IDE: variants seen among roughly 807,000 people sequenced by gnomAD.
IDE encodes the protein insulin degrading enzyme, also known as insulin-degrading enzyme.
A neutral mutation model predicts 133.2 loss-of-function variants in IDE; 58 were observed. The observed-to-expected ratio is 0.44, with a 90% CI of 0.35 to 0.54. The LOEUF (loss-of-function observed/expected upper bound fraction) is 0.54. Ranked by LOEUF, IDE falls within the 20% of genes least tolerant of loss-of-function variation. The pLI, the probability that IDE is intolerant of heterozygous loss-of-function variation, is 0.00. For synonymous variants in IDE, 396 were observed against 421.3 expected (o/e 0.94, Z 0.73); for missense variants, 981 against 1,234.0 (o/e 0.79, Z 3.07).
intron 1 of IDE, chr10:92,572,873 A>G: frequency 6.1e-6 from 6 of 984,298 alleles, no homozygotes; most frequent in Non-Finnish European, 7.2e-6. Flanking sequence ...GGCCCCACAC[A>G]CTACCCATAC....
intron 6 of IDE, among the ~76,000 whole-genome samples, chr10:92,509,369 G>T (rs921589954): frequency 1.3e-5 from 2 of 152,126 alleles, no homozygotes; most frequent in Non-Finnish European, 2.9e-5. Flanking sequence ...GAGGGAGACA[G>T]ATCACCTGAG....
intron 2 of IDE, among the ~76,000 whole-genome samples, chr10:92,536,807 A>T (rs1842032834): frequency 6.6e-6 from 1 of 152,134 alleles, no homozygotes; most frequent in African/African-American, 2.4e-5. Context: ...TGGGAGGCCA[A>T]GGCAGGCAGA....
intron 1 of IDE, among the ~76,000 whole-genome samples, chr10:92,562,125 T>C (rs1843312000): frequency 6.6e-6 from 1 of 152,210 alleles, no homozygotes; most frequent in South Asian, 2.1e-4. Context: ...ATTATCCCTT[T>C]TTCCCAAAAG....
chr10:92,486,656 T>C (rs1365377617), intron 13 of IDE, among the ~76,000 whole-genome samples: 1 of 152,182 alleles, frequency 6.6e-6, no homozygotes, highest in African/African-American at 2.4e-5. Context: ...AGTTCTGAAA[T>C]AATAGCATGA....
intron 10 of IDE, among the ~76,000 whole-genome samples, chr10:92,506,141 A>G (rs1017984628): frequency 3.3e-5 from 5 of 152,248 alleles, no homozygotes; most frequent in African/African-American, 1.2e-4. Flanking sequence ...GAAATTTTAA[A>G]AAAGTAAATG....
intron 11 of IDE, among the ~76,000 whole-genome samples, chr10:92,494,479 A>G (rs1316908995): frequency 6.6e-6 from 1 of 151,904 alleles, no homozygotes; most frequent in Admixed American, 6.6e-5. Flanking sequence ...CAGTGGCTCA[A>G]GCCTGTAATC....
chr10:92,572,854 C>G (rs940814066), intron 1 of IDE: 10 of 980,896 alleles, frequency 1.0e-5, no homozygotes, highest in South Asian at 4.7e-5. Context: ...AGCCTACCCC[C>G]CCATCTCTGG....
Position 92,483,306 on chromosome 10 carries a change from T to C in IDE, c.1688A>G (p.Gln563Arg), listed in dbSNP as rs770636745. ...CTTCGGCAAAAAAAACTTATCATCT[T>C]GTTTGAACCAAAGTTTGCTCATAGC... ...DTAMSKLWFK[Q>R]DDKFFLPKAC... Residue 563 changes from glutamine to arginine, a missense_variant, in exon 14 of 25, where the codon CAA becomes CGA. Around this residue, in one of 2 missense-constraint regions of IDE, gnomAD observed 660 missense variants for 894.7 expected, o/e 0.74. Coordinates refer to ENST00000265986, the MANE Select transcript of IDE (RefSeq NM_004969.4). 5 of 1,611,094 alleles carry C rather than the reference T, an allele frequency of 3.1e-6. No individual in the cohort carries two copies. The Admixed American group carries it at 5.0e-5, about 16-fold the overall frequency.
intron 1 of IDE, among the ~76,000 whole-genome samples, chr10:92,544,981 A>C (rs1842477429): frequency 6.6e-6 from 1 of 152,212 alleles, no homozygotes; most frequent in South Asian, 2.1e-4. Context: ...TAATCAGAAA[A>C]AAGAGAAGAA....
chr10:92,521,401 A>G (rs1849220695), intron 4 of IDE, among the ~76,000 whole-genome samples: 1 of 152,154 alleles, frequency 6.6e-6, no homozygotes, highest in South Asian at 2.1e-4. Flanking sequence ...GGTGCAGTAA[A>G]AAAAAAAAAA....
intron 1 of IDE, among the ~76,000 whole-genome samples, chr10:92,548,359 C>CAAAAAAA (rs56347361): frequency 2.5e-4 from 10 of 39,716 alleles, no homozygotes; most frequent in African/African-American, 8.4e-4. Context: ...AACTCCATCT[C>CAAAAAAA]AAAAAAAAAA....
chr10:92,466,463 T>A (rs1053301867), intron 19 of IDE, among the ~76,000 whole-genome samples: 1 of 150,868 alleles, frequency 6.6e-6, no homozygotes, highest in Non-Finnish European at 1.5e-5. Context: ...ACTATAGGCA[T>A]GTGCCCCCAC....
Position 92,464,233 on chromosome 10 carries a change from AAAAATCCTATTCAT to A in IDE, c.2489-244_2489-231del, listed in dbSNP as rs1351257681. 5.4e-3 allele frequency among the ~76,000 whole-genome samples: 826 copies of A among 152,320 alleles called. 14 individuals carry two copies. Among genetic ancestry groups the A allele is most frequent in the East Asian group, 0.035 (181 of 5,186 alleles). On this transcript the variant is annotated intron_variant, in intron 20 of 24. Transcript: ENST00000265986. ...GATGACTTTTTCTTCTTCTTAGGAA[AAAAATCCTATTCAT>A]TATTCAAACTCCCATCTTGTCACTC...
intron 1 of IDE, among the ~76,000 whole-genome samples, chr10:92,551,337 A>G (rs1020599693): frequency 6.6e-6 from 1 of 152,184 alleles, no homozygotes; most frequent in Non-Finnish European, 1.5e-5. Flanking sequence ...TGGGAGGCTA[A>G]GGCAGGTGGA....
chr10:92,465,576 C>A (rs1845639303), intron 20 of IDE, 100 bp downstream of exon 20: 2 of 986,712 alleles, frequency 2.0e-6, no homozygotes, highest in East Asian at 2.4e-5. Flanking sequence ...GTAGACCATG[C>A]CTGATATACA....
chr10:92,475,004 A>T, intron 16 of IDE, 43 bp from the exon 17 acceptor site: 1 of 1,510,048 alleles, frequency 6.6e-7, no homozygotes, highest in Non-Finnish European at 9.1e-7. Context: ...TAAATCTTTT[A>T]AAAATCATTT....
At chr10:92,494,370 GTT>G (rs552537353) in intron 11 of IDE, among the ~76,000 whole-genome samples, 25 of 138,388 alleles carry the variant, frequency 1.8e-4, no homozygotes, top group Admixed American at 2.2e-4. Flanking sequence ...GCCCAGCCCA[GTT>G]TTTTTTTTTT....
intron 11 of IDE, among the ~76,000 whole-genome samples, chr10:92,496,282 C>T (rs1221523125): frequency 6.6e-6 from 1 of 152,170 alleles, no homozygotes; most frequent in Non-Finnish European, 1.5e-5. Context: ...CTGGGAAAGA[C>T]AAAATATAGT....
chr10:92,556,745 G>A (rs1371855780), intron 1 of IDE, among the ~76,000 whole-genome samples: 6 of 151,688 alleles, frequency 4.0e-5, no homozygotes, highest in Non-Finnish European at 8.8e-5. Flanking sequence ...GCAACAGAGC[G>A]AAAGTCTGTC....
Sources: allele counts gnomAD v4.1 joint callset (sites outside exome capture counted in the v4.1 genomes callset), GRCh38; gene constraint gnomAD v4.1.1; regional missense constraint gnomAD v4.1.1; transcripts MANE v1.5; gene names NCBI Gene and HGNC (gene_info 2026-07-23, HGNC 2026-07-21).